The following SLC6A15 variants were observed in gnomAD, a reference collection of about 807,000 sequenced individuals.
SLC6A15 encodes solute carrier family 6 member 15.
In SLC6A15, 33 loss-of-function variants were observed where a neutral mutation model predicts 68.5. That is an observed-to-expected ratio of 0.48 (90% CI 0.37 to 0.64). The LOEUF (loss-of-function observed/expected upper bound fraction) is 0.64. Among genes scored for constraint, SLC6A15 ranks in the 30% least tolerant of loss-of-function variants. SLC6A15 has a pLI of 0.00. For synonymous variants in SLC6A15, 347 were observed against 301.0 expected (o/e 1.15, Z -1.58); for missense variants, 747 against 874.3 (o/e 0.85, Z 1.84).
intron 3 of SLC6A15, 126 bp from the exon 4 acceptor site, chr12:84,885,687 A>T: frequency 1.8e-6 from 2 of 1,142,698 alleles, no homozygotes; most frequent in Middle Eastern, 3.0e-4. Flanking sequence ...TTTGGGACAC[A>T]TTATCTTTTC....
rs2120524133 is a variant in SLC6A15 at position 84,862,130 on chromosome 12, A to G, written c.1819-124T>C. 3 of 970,080 alleles carry G rather than the reference A, an allele frequency of 3.1e-6. No individual in the cohort carries two copies. The South Asian group carries it at 5.7e-5, about 18-fold the overall frequency. 60.1% of individuals were successfully genotyped at this position (970,080 alleles called of 1,614,324 possible). A position where few individuals can be genotyped will look rare whatever the true frequency, so the allele number is the denominator to read the frequency against. On this transcript the variant is annotated intron_variant, in intron 11 of 11. Transcript: ENST00000266682. Reference sequence around the variant, plus strand: ...CTGGCTTTGTGACTTGCTTTGACCAATAGAAAGCAGTAGAAGTGACACTCA... The same window carrying G: ...CTGGCTTTGTGACTTGCTTTGACCAGTAGAAAGCAGTAGAAGTGACACTCA...
chr12:84,862,472 T>G (rs1870895419), intron 11 of SLC6A15, among the ~76,000 whole-genome samples: 1 of 152,190 alleles, frequency 6.6e-6, no homozygotes, highest in Non-Finnish European at 1.5e-5. Flanking sequence ...GAAACCAAAC[T>G]TTTGAAGCAC....
chr12:84,872,251 G>T (rs1871317393), intron 8 of SLC6A15, among the ~76,000 whole-genome samples: 5 of 151,876 alleles, frequency 3.3e-5, no homozygotes. Flanking sequence ...AATCATGTAT[G>T]TGTAAATGAG....
intron 1 of SLC6A15, among the ~76,000 whole-genome samples, chr12:84,911,185 C>T (rs1168557204): frequency 2.6e-5 from 4 of 152,098 alleles, no homozygotes; most frequent in African/African-American, 7.2e-5. Context: ...GTTGCTGGCA[C>T]AGCAGAAAAG....
At chr12:84,883,120 T>A in intron 5 of SLC6A15, 1 of 979,756 alleles carries the variant, frequency 1.0e-6, no homozygotes, top group Non-Finnish European at 1.2e-6. Flanking sequence ...CCAAGAGATG[T>A]GGAGAGCTTT....
chr12:84,882,353 TC>T, intron 5 of SLC6A15: 2 of 983,870 alleles, frequency 2.0e-6, no homozygotes, highest in Non-Finnish European at 1.2e-6. Flanking sequence ...AGTTATTTAG[TC>T]ATATAATACA....
chr12:84,861,493 T>C lies in SLC6A15; in HGVS notation c.*139A>G, dbSNP rs1870845636. The C allele has an allele frequency of 1.1e-6, 1 of 946,054 alleles. No individual in the cohort carries two copies. Among genetic ancestry groups the C allele is most frequent in the African/African-American group, 1.6e-5 (1 of 60,752 alleles). The allele number at this position is 946,054 out of a possible 1,614,324, so 58.6% of individuals were successfully genotyped here. A position where few individuals can be genotyped will look rare whatever the true frequency, so the allele number is the denominator to read the frequency against. On this transcript the variant is annotated 3_prime_UTR_variant, in exon 12 of 12. Transcript: ENST00000266682. The stretch of plus-strand genomic sequence containing the variant: ...AAAGAATGCTCAAGTTGAACTGACA[T>C]ATACTGTTAGGATTAAAGATCACAG...
Position 84,874,235 on chromosome 12 carries a change from T to C in SLC6A15, c.868-907A>G, listed in dbSNP as rs1342977518. Among the ~76,000 whole-genome samples the C allele has an allele frequency of 2.0e-5, 3 of 151,944 alleles. No homozygotes were observed. In the East Asian group the frequency reaches 5.8e-4, roughly 29 times the overall value. ...CTGCCATTTAGTAATTTTAAAATAGTGCAAACAATGGCAAATGGCGTGTCC... is the reference window on the plus strand; with the variant it reads ...CTGCCATTTAGTAATTTTAAAATAGCGCAAACAATGGCAAATGGCGTGTCC... On this transcript the variant is annotated intron_variant, in intron 6 of 11. Transcript: ENST00000266682.
At chr12:84,862,490 C>A (rs1565718482) in intron 11 of SLC6A15, among the ~76,000 whole-genome samples, 2 of 152,058 alleles carry the variant, frequency 1.3e-5, no homozygotes, top group Non-Finnish European at 2.9e-5. Context: ...CACATCTGGC[C>A]CCAAGGGTTT....
intron 8 of SLC6A15, among the ~76,000 whole-genome samples, chr12:84,871,217 G>A (rs192194969): frequency 1.1e-4 from 17 of 150,362 alleles, no homozygotes; most frequent in African/African-American, 4.1e-4. Flanking sequence ...AAAAGGATGT[G>A]AACAGAATAA....
chr12:84,897,657 TAA>T (rs1336084941), intron 1 of SLC6A15, among the ~76,000 whole-genome samples: 1 of 152,068 alleles, frequency 6.6e-6, no homozygotes, highest in East Asian at 1.9e-4. Flanking sequence ...TCAATAAAAC[TAA>T]GAGAAAAATA....
rs1464662682 is a variant in SLC6A15, at chr12:84,906,735, A to G, written c.-189+5788T>C. Among the ~76,000 whole-genome samples the G allele has an allele frequency of 3.9e-5, 6 of 152,214 alleles. No homozygotes were observed. In the East Asian group the frequency reaches 1.2e-3, roughly 29 times the overall value. ...GGAAATAATTGGACATCCCTAGGCAAAAGTATAACCCTGAACCTAAATCTC... is the reference window on the plus strand; with the variant it reads ...GGAAATAATTGGACATCCCTAGGCAGAAGTATAACCCTGAACCTAAATCTC... On this transcript the variant is annotated intron_variant, in intron 1 of 11. Coordinates refer to ENST00000266682, the MANE Select transcript of SLC6A15 (RefSeq NM_182767.6).
chr12:84,860,843 A>G lies in SLC6A15; in HGVS notation c.*789T>C, dbSNP rs960608895. The G allele has an allele frequency of 1.3e-5, 2 of 152,306 alleles. No individual in the cohort carries two copies. Among genetic ancestry groups the G allele is most frequent in the Non-Finnish European group, 2.9e-5 (2 of 68,006 alleles). 9.4% of individuals were successfully genotyped at this position (152,306 alleles called of 1,614,324 possible). The stretch of plus-strand genomic sequence containing the variant: ...CATTGCAAGTATATTGTATAAATAT[A>G]CTATGAATAATCTTGAAACCACAAT... On this transcript the variant is annotated 3_prime_UTR_variant, in exon 12 of 12. Transcript: ENST00000266682.
chr12:84,877,121 C>A (rs1871583640), intron 5 of SLC6A15, among the ~76,000 whole-genome samples: 1 of 152,156 alleles, frequency 6.6e-6, no homozygotes, highest in Admixed American at 6.5e-5. Context: ...GCAATTTTCA[C>A]TGTTAAACAG....
chr12:84,879,159 C>T (rs375803770), intron 5 of SLC6A15, among the ~76,000 whole-genome samples: 3 of 151,910 alleles, frequency 2.0e-5, no homozygotes, highest in Non-Finnish European at 2.9e-5. Flanking sequence ...AAATACTCAG[C>T]AGTCGTTGAG....
intron 8 of SLC6A15, among the ~76,000 whole-genome samples, chr12:84,871,946 T>G (rs1871303675): frequency 6.6e-6 from 1 of 152,102 alleles, no homozygotes; most frequent in African/African-American, 2.4e-5. Context: ...AGGTCAAGTG[T>G]TCGAGACCAG....
chr12:84,885,678 T>C (rs1872067322), intron 3 of SLC6A15, 117 bp from the exon 4 acceptor site: 1 of 1,175,266 alleles, frequency 8.5e-7, no homozygotes, highest in Non-Finnish European at 1.2e-6. Context: ...TATTATTTAT[T>C]TGGGACACAT....
At chr12:84,865,818 A>T (rs969496060) in intron 10 of SLC6A15, among the ~76,000 whole-genome samples, 2 of 152,316 alleles carry the variant, frequency 1.3e-5, no homozygotes, top group East Asian at 3.9e-4. Flanking sequence ...GATGTATGAC[A>T]ATTTATCCAT....
At chr12:84,885,320 A>G (rs919239636) in intron 4 of SLC6A15, 115 bp downstream of exon 4, 1 of 999,330 alleles carries the variant, frequency 1.0e-6, no homozygotes, top group African/African-American at 1.7e-5. Flanking sequence ...TGTTATAATG[A>G]TAATTTTGAA....
Sources: allele counts gnomAD v4.1 joint callset (sites outside exome capture counted in the v4.1 genomes callset), GRCh38; gene constraint gnomAD v4.1.1; transcripts MANE v1.5; gene names NCBI Gene and HGNC (gene_info 2026-07-23, HGNC 2026-07-21).